The following FAM13B variants were observed in gnomAD, a reference collection of about 807,000 sequenced individuals.
The protein encoded by FAM13B is family with sequence similarity 13 member B.
FAM13B carries 60 observed loss-of-function variants against 117.3 expected under a neutral mutation model. That is an observed-to-expected ratio of 0.51 (90% CI 0.42 to 0.63). FAM13B has a LOEUF of 0.63. Among genes scored for constraint, FAM13B ranks in the 30% least tolerant of loss-of-function variants. FAM13B has a pLI of 0.00. For synonymous variants in FAM13B, 332 were observed against 356.1 expected (o/e 0.93, Z 0.76); for missense variants, 972 against 1,091.9 (o/e 0.89, Z 1.55).
intron 10 of FAM13B, among the ~76,000 whole-genome samples, chr5:137,969,143 C>T (rs1488266259): frequency 6.6e-6 from 1 of 152,250 alleles, no homozygotes; most frequent in African/African-American, 2.4e-5. Context: ...CTGTAGGCTC[C>T]ACCTCTGGGG....
In FAM13B at chr5:137,988,323, C is replaced by T; in HGVS notation, c.849-8G>A. 1 of 1,555,588 alleles carries T rather than the reference C, an allele frequency of 6.4e-7. No individual in the cohort carries two copies. Among genetic ancestry groups the T allele is most frequent in the Middle Eastern group, 1.8e-4 (1 of 5,630 alleles). ...ATGGGAGATATATGGGTGCTGCAAT[C>T]AAAGAAAGAAATTAGCTATAAAAAT... On this transcript the variant is annotated splice_region_variant and splice_polypyrimidine_tract_variant and intron_variant, in intron 7 of 23. Coordinates refer to ENST00000689681, the MANE Select transcript of FAM13B (RefSeq NM_001385994.1).
chr5:138,041,063 C>CAAAAAAA (rs5871662), intron 1 of FAM13B, among the ~76,000 whole-genome samples: 1 of 70,442 alleles, frequency 1.4e-5, no homozygotes, highest in Admixed American at 1.5e-4. Context: ...GACTCCATCT[C>CAAAAAAA]AAAAAAAAAA....
At chr5:137,998,950 TA>T (rs1780501903) in intron 7 of FAM13B, among the ~76,000 whole-genome samples, 1 of 152,154 alleles carries the variant, frequency 6.6e-6, no homozygotes, top group South Asian at 2.1e-4. Context: ...GAGCCATACC[TA>T]AAGTGGCAGA....
chr5:138,036,150 C>T, upstream of FAM13B: 1 of 341,494 alleles, frequency 2.9e-6, no homozygotes, highest in Non-Finnish European at 5.8e-6. Flanking sequence ...TCACATCATT[C>T]TCACTGTAGT....
chr5:137,952,578 T>A, intron 17 of FAM13B, 50 bp downstream of exon 17: 1 of 1,198,146 alleles, frequency 8.3e-7, no homozygotes, highest in Non-Finnish European at 1.2e-6. Flanking sequence ...GACATTAATA[T>A]AAAAAAATTT....
chr5:137,948,837 G>A, intron 18 of FAM13B, 118 bp downstream of exon 18: 1 of 708,170 alleles, frequency 1.4e-6, no homozygotes, highest in South Asian at 1.8e-5. Context: ...AATCTGCAAA[G>A]ATGGGGAGCA....
At position 138,011,019 on chromosome 5, in the gene FAM13B, T is replaced by C. The variant is rs770055100; in HGVS notation, c.679A>G (p.Ile227Val). ...TAGAATATTCTCACCTGTTCAGTAA[T>C]TGAACTCAAATCATTAGATGAAAAA... The part of the protein sequence containing the change: ...EDFSSNDLSS[I>V]TEQVNELSEE... The change falls in exon 6 of 24, where the codon ATT becomes GTT. Residue 227 changes from isoleucine (I) to valine (V), a missense_variant. Coordinates refer to ENST00000689681, the MANE Select transcript of FAM13B (RefSeq NM_001385994.1). 17 of 1,592,920 alleles carry C rather than the reference T, an allele frequency of 1.1e-5. No homozygotes were observed. The highest frequency in any genetic ancestry group is 2.3e-5 in the East Asian group (1 of 44,108).
intron 1 of FAM13B, among the ~76,000 whole-genome samples, chr5:138,028,341 T>C (rs926275296): frequency 6.6e-6 from 1 of 152,158 alleles, no homozygotes; most frequent in African/African-American, 2.4e-5. Context: ...AGAAGACTAG[T>C]TTATCATTTT....
At chr5:137,985,199 AG>A in intron 10 of FAM13B, 57 bp downstream of exon 10, 1 of 1,551,320 alleles carries the variant, frequency 6.4e-7, no homozygotes, top group Non-Finnish European at 8.8e-7. Context: ...CTGGCATCAA[AG>A]AAACACATGA....
chr5:137,979,076 A>G (rs1774878309), intron 10 of FAM13B, among the ~76,000 whole-genome samples: 1 of 149,928 alleles, frequency 6.7e-6, no homozygotes, highest in Non-Finnish European at 1.5e-5. Context: ...GCAGTGGCAT[A>G]ATCTCAGCTC....
At chr5:138,017,571 T>C (rs1561534964) in intron 4 of FAM13B, among the ~76,000 whole-genome samples, 1 of 152,302 alleles carries the variant, frequency 6.6e-6, no homozygotes, top group East Asian at 1.9e-4. Flanking sequence ...CTTTACACAT[T>C]TTCCTATATA....
intron 14 of FAM13B, among the ~76,000 whole-genome samples, chr5:137,955,914 G>A (rs1459214259): frequency 6.6e-6 from 1 of 152,132 alleles, no homozygotes; most frequent in African/African-American, 2.4e-5. Context: ...TTACAAGCGT[G>A]AGCCACCACG....
intron 10 of FAM13B, among the ~76,000 whole-genome samples, chr5:137,972,989 C>T (rs1173632276): frequency 6.6e-6 from 1 of 151,878 alleles, no homozygotes; most frequent in Non-Finnish European, 1.5e-5. Context: ...ACATTCCATG[C>T]TCATGGGTAG....
At chr5:138,040,567 C>A (rs1333679580) in intron 1 of FAM13B, among the ~76,000 whole-genome samples, 1 of 150,842 alleles carries the variant, frequency 6.6e-6, no homozygotes, top group Non-Finnish European at 1.5e-5. Context: ...GACACCGTCT[C>A]AAAAACAAAA....
intron 16 of FAM13B, 100 bp downstream of exon 16, chr5:137,953,236 G>T: frequency 7.6e-7 from 1 of 1,311,844 alleles, no homozygotes; most frequent in Non-Finnish European, 1.1e-6. Flanking sequence ...TCTCAGATTT[G>T]TTACCTTTCT....
chr5:138,018,164 A>G (rs1785728130), intron 4 of FAM13B, 138 bp downstream of exon 4: 2 of 761,664 alleles, frequency 2.6e-6, no homozygotes, highest in Non-Finnish European at 4.2e-6. Flanking sequence ...AGATCATACA[A>G]CCCCAAAAAG....
intron 1 of FAM13B, among the ~76,000 whole-genome samples, chr5:138,044,256 A>T (rs1006987172): frequency 2.0e-5 from 3 of 152,268 alleles, no homozygotes; most frequent in South Asian, 2.1e-4. Context: ...GTAAGCTTTT[A>T]AAAAAAGATA....
intron 20 of FAM13B, among the ~76,000 whole-genome samples, chr5:137,945,657 A>C (rs1368962968): frequency 3.9e-5 from 6 of 152,218 alleles, no homozygotes; most frequent in Non-Finnish European, 8.8e-5. Flanking sequence ...ATCATATTCT[A>C]CCTGCTGTGA....
At chr5:137,943,927 T>G (rs1762635870) in intron 20 of FAM13B, among the ~76,000 whole-genome samples, 2 of 152,186 alleles carry the variant, frequency 1.3e-5, no homozygotes. Flanking sequence ...AATTTGGTGG[T>G]TTTTAGTATA....
Sources: allele counts gnomAD v4.1 joint callset (sites outside exome capture counted in the v4.1 genomes callset), GRCh38; gene constraint gnomAD v4.1.1; transcripts MANE v1.5; gene names NCBI Gene and HGNC (gene_info 2026-07-23, HGNC 2026-07-21).